ZFHX3: variants seen among roughly 807,000 people sequenced by gnomAD.
ZFHX3 encodes zinc finger homeobox 3, also known as zinc finger homeobox protein 3.
ZFHX3 carries 42 observed loss-of-function variants against 279.1 expected under a neutral mutation model. The ratio of observed to expected loss-of-function variants is 0.15; its 90% CI spans 0.12 to 0.19. The LOEUF is 0.19. ZFHX3 is among the 10% of genes least tolerant of loss of function. The pLI is 1.00. For missense variants in ZFHX3, 4,981 were observed against 4,754.0 expected (o/e 1.05, Z -1.40); for synonymous variants, 2,293 against 1,957.8 (o/e 1.17, Z -4.52).
chr16:73,153,790 A>C (rs1967008316), intron 5 of ZFHX3, among the ~76,000 whole-genome samples: 3 of 151,900 alleles, frequency 2.0e-5, no homozygotes, highest in African/African-American at 7.3e-5. Context: ...GCTGGGACTA[A>C]AGGCGCACAC....
intron 2 of ZFHX3, among the ~76,000 whole-genome samples, chr16:73,468,820 G>A (rs1006413178): frequency 2.6e-5 from 4 of 152,190 alleles, no homozygotes; most frequent in African/African-American, 9.6e-5. Context: ...TCCCTAGAAT[G>A]CTCCAATCAC....
intron 3 of ZFHX3, among the ~76,000 whole-genome samples, chr16:72,898,341 T>C (rs1055471282): frequency 2.6e-5 from 4 of 152,212 alleles, no homozygotes; most frequent in Admixed American, 1.3e-4. Flanking sequence ...TTCTGGTTTC[T>C]AGGCCAGGCT....
chr16:73,372,895 C>T lies in ZFHX3; in HGVS notation c.-1290-54559G>A, dbSNP rs1040845473. ...TGACACCTACATCCGAAACATACAC[C>T]CTCGCATGCAGACACCTTCACACAC... On this transcript the variant is annotated intron_variant, in intron 3 of 17. Coordinates refer to the ZFHX3 transcript ENST00000641206. Among the ~76,000 whole-genome samples the T allele has an allele frequency of 6.6e-5, 10 of 152,158 alleles. No individual in the cohort carries two copies. In the East Asian group the frequency reaches 1.9e-3, roughly 29 times the overall value.
chr16:73,220,680 T>A (rs2012385137), intron 5 of ZFHX3, among the ~76,000 whole-genome samples: 1 of 152,096 alleles, frequency 6.6e-6, no homozygotes, highest in African/African-American at 2.4e-5. Context: ...TAGTGGGAGC[T>A]GAAATGTATG....
At chr16:73,683,623 C>T (rs1021982501) in intron 1 of ZFHX3, among the ~76,000 whole-genome samples, 1 of 150,978 alleles carries the variant, frequency 6.6e-6, no homozygotes, top group African/African-American at 2.4e-5. Flanking sequence ...CTCACTGCAA[C>T]CTCTGCCTCC....
rs1184965603 is a variant in ZFHX3, at chr16:72,957,515, C to T, written c.2631G>A (p.Met877Ile). 1.9e-6 allele frequency: 3 copies of T among 1,614,166 alleles called. No homozygotes were observed. In the South Asian group the frequency reaches 3.3e-5, roughly 18 times the overall value. Residue 877 changes from methionine to isoleucine, a missense_variant, in exon 2 of 10, where the codon ATG (methionine) becomes ATA (isoleucine). This residue lies in a region of ZFHX3 where 1,751 missense variants were observed against 1,770.0 expected (regional missense o/e 0.99). Coordinates refer to ENST00000268489, the MANE Select transcript of ZFHX3 (RefSeq NM_006885.4). Reference protein sequence around the residue: ...AQNMNLPNLKMDSAASDAQFM... With the variant: ...AQNMNLPNLKIDSAASDAQFM... ...ACTGGGCGTCCGAGGCAGCACTGTC[C>T]ATCTTCAGGTTGGGCAGGTTCATGT...
At chr16:72,949,557 C>T (rs1358207946) in intron 3 of ZFHX3, among the ~76,000 whole-genome samples, 1 of 152,062 alleles carries the variant, frequency 6.6e-6, no homozygotes, top group East Asian at 1.9e-4. Context: ...AGCACCTCCC[C>T]CTCGGTTGCC....
At chr16:73,573,630 A>C (rs558950269) in intron 2 of ZFHX3, among the ~76,000 whole-genome samples, 1 of 152,296 alleles carries the variant, frequency 6.6e-6, no homozygotes, top group South Asian at 2.1e-4. Context: ...AGTAAGGTTA[A>C]CTTTATGATG....
rs535622471 is a variant in ZFHX3 at position 72,962,934 on chromosome 16, G to C, written c.-49-2740C>G. Among the ~76,000 whole-genome samples, 38 of 152,196 alleles carry C rather than the reference G, an allele frequency of 2.5e-4. No homozygotes were observed. In the East Asian group the frequency reaches 7.4e-3, roughly 29 times the overall value. On this transcript the variant is annotated intron_variant, in intron 1 of 9. Transcript: ENST00000268489. ...GTCTCCCCAATCCGCCACATCCTGTGGCTCAAGGGTCTCAGGGCATCTACC... is the reference window on the plus strand; with the variant it reads ...GTCTCCCCAATCCGCCACATCCTGTCGCTCAAGGGTCTCAGGGCATCTACC...
At chr16:73,833,508 A>T (rs1431718686) in intron 1 of ZFHX3, among the ~76,000 whole-genome samples, 1 of 152,154 alleles carries the variant, frequency 6.6e-6, no homozygotes, top group Admixed American at 6.5e-5. Flanking sequence ...ACAAGAAAAG[A>T]AAACCAAACA....
chr16:73,858,152 C>T (rs1961788033), intron 1 of ZFHX3, among the ~76,000 whole-genome samples: 1 of 151,766 alleles, frequency 6.6e-6, no homozygotes, highest in Non-Finnish European at 1.5e-5. Flanking sequence ...TAGCAAAAAG[C>T]CTTCTCCTGC....
At chr16:73,452,478 C>T (rs919733292) in intron 3 of ZFHX3, among the ~76,000 whole-genome samples, 8 of 152,098 alleles carry the variant, frequency 5.3e-5, no homozygotes. Context: ...GGCAGGCAGT[C>T]CTAGGTAGTT....
At chr16:73,566,761 C>T (rs1312931165) in intron 2 of ZFHX3, among the ~76,000 whole-genome samples, 2 of 149,044 alleles carry the variant, frequency 1.3e-5, no homozygotes, top group African/African-American at 2.5e-5. Flanking sequence ...ATGGGTGGCG[C>T]GATCTCGGCT....
At chr16:73,309,045 G>A (rs1178521511) in intron 4 of ZFHX3, among the ~76,000 whole-genome samples, 2 of 152,094 alleles carry the variant, frequency 1.3e-5, no homozygotes, top group Non-Finnish European at 2.9e-5. Context: ...ACACAGATGG[G>A]AAGCTATGAA....
At chr16:73,708,519 G>A (rs2053326910) in intron 1 of ZFHX3, among the ~76,000 whole-genome samples, 1 of 152,202 alleles carries the variant, frequency 6.6e-6, no homozygotes, top group Non-Finnish European at 1.5e-5. Context: ...GGCCCAAGAA[G>A]AATGTTCTAG....
intron 2 of ZFHX3, among the ~76,000 whole-genome samples, chr16:73,468,330 C>T (rs559862611): frequency 4.7e-4 from 71 of 152,248 alleles, no homozygotes; most frequent in Non-Finnish European, 8.4e-4. Context: ...CACAAGCCAC[C>T]CCTTAAGGAC....
intron 2 of ZFHX3, among the ~76,000 whole-genome samples, chr16:73,585,336 A>G (rs1039549336): frequency 6.6e-6 from 1 of 152,210 alleles, no homozygotes; most frequent in Non-Finnish European, 1.5e-5. Flanking sequence ...TAATCACTTG[A>G]ACCCTGGAGG....
intron 3 of ZFHX3, among the ~76,000 whole-genome samples, chr16:73,350,466 C>T (rs1003982614): frequency 1.3e-5 from 2 of 152,158 alleles, no homozygotes; most frequent in Non-Finnish European, 2.9e-5. Flanking sequence ...TAATTCCGGC[C>T]ATACGTCTTT....
intron 3 of ZFHX3, among the ~76,000 whole-genome samples, chr16:73,437,143 G>A (rs1276699945): frequency 6.6e-6 from 1 of 151,550 alleles, no homozygotes; most frequent in Non-Finnish European, 1.5e-5. Context: ...TGGTGCAAAA[G>A]TAATTGAGGG....
Sources: allele counts gnomAD v4.1 joint callset (sites outside exome capture counted in the v4.1 genomes callset), GRCh38; gene constraint gnomAD v4.1.1; regional missense constraint gnomAD v4.1.1; transcripts MANE v1.5; gene names NCBI Gene and HGNC (gene_info 2026-07-23, HGNC 2026-07-21).